The following CREB5 variants were observed in gnomAD, a reference collection of about 807,000 sequenced individuals.
CREB5 encodes cAMP responsive element binding protein 5.
In CREB5, 19 loss-of-function variants were observed where a neutral mutation model predicts 57.1. The observed-to-expected ratio is 0.33, with a 90% CI of 0.23 to 0.49. The LOEUF is 0.49. Among genes scored for constraint, CREB5 ranks in the 20% least tolerant of loss-of-function variants. The probability of loss-of-function intolerance (pLI) is 0.99; values close to 1 mark genes in which losing one functional copy is unlikely to be tolerated. For missense variants in CREB5, 579 were observed against 671.6 expected (o/e 0.86, Z 1.52); for synonymous variants, 238 against 238.3 (o/e 1.00, Z 0.01).
intron 1 of CREB5, among the ~76,000 whole-genome samples, chr7:28,304,861 G>T (rs892649218): frequency 6.6e-6 from 1 of 152,306 alleles, no homozygotes; most frequent in East Asian, 1.9e-4. Context: ...ATAAAAATAA[G>T]TATGTATTTG....
chr7:28,358,317 C>A (rs1189673475), intron 1 of CREB5, among the ~76,000 whole-genome samples: 1 of 152,176 alleles, frequency 6.6e-6, no homozygotes, highest in Non-Finnish European at 1.5e-5. Flanking sequence ...CTCAGATCTC[C>A]CACTGTCCCA....
chr7:28,751,336 G>C (rs925235203), intron 7 of CREB5, among the ~76,000 whole-genome samples: 3 of 152,220 alleles, frequency 2.0e-5, no homozygotes, highest in African/African-American at 7.2e-5. Context: ...CACTTTGTCA[G>C]AAAAGAGAAA....
intron 1 of CREB5, among the ~76,000 whole-genome samples, chr7:28,460,591 C>T (rs970765377): frequency 3.3e-5 from 5 of 152,110 alleles, no homozygotes; most frequent in Non-Finnish European, 7.4e-5. Context: ...GGAAAGTCAC[C>T]TAATTAGTTC....
At chr7:28,762,436 A>G (rs928280666) in intron 7 of CREB5, among the ~76,000 whole-genome samples, 5 of 152,174 alleles carry the variant, frequency 3.3e-5, no homozygotes, top group East Asian at 1.9e-4. Context: ...GCTGCTGCTA[A>G]TGTTGACAAG....
chr7:28,419,815 C>T (rs142315121), intron 1 of CREB5, among the ~76,000 whole-genome samples: 392 of 152,222 alleles, frequency 2.6e-3, no homozygotes, highest in African/African-American at 8.5e-3. Flanking sequence ...ATATTTAAGA[C>T]ACTCCTTTTT....
At chr7:28,459,023 T>C (rs1236587838) in intron 1 of CREB5, among the ~76,000 whole-genome samples, 1 of 152,166 alleles carries the variant, frequency 6.6e-6, no homozygotes, top group Non-Finnish European at 1.5e-5. Flanking sequence ...TGACAGTACA[T>C]CCACACCCTG....
chr7:28,304,750 C>A (rs1236833611), intron 1 of CREB5, among the ~76,000 whole-genome samples: 1 of 152,138 alleles, frequency 6.6e-6, no homozygotes, highest in Non-Finnish European at 1.5e-5. Context: ...TTAAAACTCA[C>A]ATTGTAAAAA....
chr7:28,725,645 T>A (rs868083573), intron 7 of CREB5, among the ~76,000 whole-genome samples: 2,546 of 112,400 alleles, frequency 0.023, 33 homozygotes, highest in Non-Finnish European at 0.036. Flanking sequence ...TATCTTTTTT[T>A]AAAAAAAAAA....
intron 9 of CREB5, among the ~76,000 whole-genome samples, chr7:28,815,584 G>A (rs762800086): frequency 2.6e-5 from 4 of 152,084 alleles, no homozygotes; most frequent in Non-Finnish European, 5.9e-5. Context: ...AACTGTTTGG[G>A]GCATGCCAAA....
intron 7 of CREB5, among the ~76,000 whole-genome samples, chr7:28,788,740 T>C (rs1329855839): frequency 6.6e-6 from 1 of 152,074 alleles, no homozygotes; most frequent in East Asian, 1.9e-4. Flanking sequence ...AAGCAAGTGT[T>C]TGCCAGTTGG....
At chr7:28,641,896 A>T (rs1798673787) in intron 5 of CREB5, among the ~76,000 whole-genome samples, 1 of 152,182 alleles carries the variant, frequency 6.6e-6, no homozygotes, top group Non-Finnish European at 1.5e-5. Flanking sequence ...CAGCAAACAC[A>T]TCTGTCTTTT....
intron 7 of CREB5, among the ~76,000 whole-genome samples, chr7:28,725,561 G>C (rs1218601020): frequency 1.3e-5 from 2 of 151,048 alleles, no homozygotes; most frequent in African/African-American, 4.9e-5. Context: ...GAGCCCTGCT[G>C]AGCCAAACCA....
At chr7:28,567,876 A>G (rs1795545038) in intron 4 of CREB5, among the ~76,000 whole-genome samples, 1 of 152,102 alleles carries the variant, frequency 6.6e-6, no homozygotes, top group Non-Finnish European at 1.5e-5. Flanking sequence ...CAGAGGCCAT[A>G]CAAGGAGTGC....
chr7:28,333,182 G>A (rs962752117), intron 1 of CREB5, among the ~76,000 whole-genome samples: 15 of 152,242 alleles, frequency 9.9e-5, no homozygotes, highest in Non-Finnish European at 1.8e-4. Context: ...GGATTTTTAC[G>A]TAACTGTAAT....
intron 4 of CREB5, among the ~76,000 whole-genome samples, chr7:28,546,962 A>G (rs571334356): frequency 1.4e-4 from 22 of 152,258 alleles, no homozygotes; most frequent in Non-Finnish European, 3.1e-4. Flanking sequence ...CCAAGGAGTT[A>G]CAATTAACTA....
chr7:28,315,835 CAG>C (rs1785368172), intron 1 of CREB5, among the ~76,000 whole-genome samples: 1 of 152,148 alleles, frequency 6.6e-6, no homozygotes, highest in African/African-American at 2.4e-5. Context: ...GAGCTATTGC[CAG>C]AGTCGGGCTC....
chr7:28,481,347 A>C (rs1051097573), intron 1 of CREB5, among the ~76,000 whole-genome samples: 1 of 152,174 alleles, frequency 6.6e-6, no homozygotes, highest in Non-Finnish European at 1.5e-5. Flanking sequence ...AAGAACAGGG[A>C]TATTCTTCTG....
chr7:28,633,518 C>G (rs754045816), intron 5 of CREB5, among the ~76,000 whole-genome samples: 2 of 152,116 alleles, frequency 1.3e-5, no homozygotes, highest in African/African-American at 2.4e-5. Context: ...TGGAGAATAC[C>G]TGAGGAAGTA....
chr7:28,804,723 A>T (rs917742104), intron 8 of CREB5, among the ~76,000 whole-genome samples: 3 of 152,160 alleles, frequency 2.0e-5, no homozygotes, highest in Admixed American at 6.5e-5. Flanking sequence ...ATAATACACT[A>T]AAAAATATCA....
Sources: allele counts gnomAD v4.1 joint callset (sites outside exome capture counted in the v4.1 genomes callset), GRCh38; gene constraint gnomAD v4.1.1; transcripts MANE v1.5; gene names NCBI Gene and HGNC (gene_info 2026-07-23, HGNC 2026-07-21).